Variants in SLC4A4 observed in about 807,000 individuals in gnomAD.
SLC4A4 encodes solute carrier family 4 member 4.
Under a neutral mutation model 111.5 loss-of-function variants are expected in SLC4A4, and 27 were observed. The observed-to-expected ratio is 0.24, with a 90% CI of 0.18 to 0.33. The LOEUF (loss-of-function observed/expected upper bound fraction) is 0.33, where lower values mean the gene tolerates loss of function less well. Among genes scored for constraint, SLC4A4 ranks in the 10% least tolerant of loss-of-function variants. The pLI is 1.00. For missense variants in SLC4A4, 909 were observed against 1,315.5 expected, an observed-to-expected ratio of 0.69 and a Z score of 4.78; for synonymous variants, 443 against 463.4, an observed-to-expected ratio of 0.96 and a Z score of 0.57.
chr4:71,503,287 A>T lies in SLC4A4; in HGVS notation c.2166+5595A>T, dbSNP rs557837331. ...CATTCCCTCTGTATCTTTTCATTGG[A>T]GAACTTAATTTCATTTACATTCAAG... On this transcript the variant is annotated intron_variant, in intron 16 of 25. Coordinates refer to ENST00000264485, the MANE Select transcript of SLC4A4 (RefSeq NM_001098484.3). 7.4e-5 allele frequency among the ~76,000 whole-genome samples: 11 copies of T among 148,854 alleles called. No homozygotes were observed. In the East Asian group the frequency reaches 2.2e-3, roughly 29 times the overall value.
chr4:71,378,810 T>A (rs1306404469), intron 6 of SLC4A4, among the ~76,000 whole-genome samples: 2 of 152,184 alleles, frequency 1.3e-5, no homozygotes, highest in Non-Finnish European at 2.9e-5. Flanking sequence ...ATTTATTGTG[T>A]TTAGACTTGT....
At position 71,569,398 on chromosome 4, in the gene SLC4A4, G is replaced by C. The variant is rs1175309026; in HGVS notation, c.*1647G>C. ...ATGCAATTTTTTTCAGGATGCAAAG[G>C]CAATTATTCTTTGTAAGCGGGACAT... is the stretch of plus-strand genomic sequence containing the variant. On this transcript the variant is annotated 3_prime_UTR_variant, in exon 26 of 26. Transcript: ENST00000264485. 1 of 151,380 alleles carries C rather than the reference G, an allele frequency of 6.6e-6. No homozygotes were observed. Among genetic ancestry groups the C allele is most frequent in the Non-Finnish European group, 1.5e-5 (1 of 67,698 alleles). 9.4% of individuals were successfully genotyped at this position (151,380 alleles called of 1,614,324 possible).
At chr4:71,195,024 C>T (rs1373547763) in intron 1 of SLC4A4, among the ~76,000 whole-genome samples, 1 of 152,028 alleles carries the variant, frequency 6.6e-6, no homozygotes, top group African/African-American at 2.4e-5. Context: ...GGTTTGGAGG[C>T]ATATCATTTT....
rs193151567 is a variant in SLC4A4, at chr4:71,486,906, A to G, written c.1904-42A>G. Reference sequence around the variant, plus strand: ...AATTATGCATTTAAGGTCTTTTTCTATTTTAGTTTTATAGTATAAAATAAT... The same window carrying G: ...AATTATGCATTTAAGGTCTTTTTCTGTTTTAGTTTTATAGTATAAAATAAT... On this transcript the variant is annotated intron_variant, in intron 14 of 25. Coordinates refer to ENST00000264485, the MANE Select transcript of SLC4A4 (RefSeq NM_001098484.3). 2.0e-4 allele frequency: 260 copies of G among 1,280,880 alleles called. No individual in the cohort carries two copies. In the Admixed American group the frequency reaches 2.7e-3, roughly 13 times the overall value. The allele number at this position is 1,280,880 out of a possible 1,614,324, so 79.3% of individuals were successfully genotyped here.
intron 2 of SLC4A4, among the ~76,000 whole-genome samples, chr4:71,136,477 C>T (rs1743846660): frequency 6.6e-6 from 1 of 152,174 alleles, no homozygotes; most frequent in Non-Finnish European, 1.5e-5. Context: ...TGCCTGTTAA[C>T]CCCATGTGGT....
intron 2 of SLC4A4, among the ~76,000 whole-genome samples, chr4:71,176,790 C>A (rs1430154338): frequency 6.6e-6 from 1 of 152,136 alleles, no homozygotes; most frequent in Non-Finnish European, 1.5e-5. Context: ...CCCAATCTAG[C>A]AAGGCAGGCC....
intron 1 of SLC4A4, among the ~76,000 whole-genome samples, chr4:71,208,443 A>AATATATATAT (rs1553962713): frequency 6.2e-5 from 9 of 144,832 alleles, no homozygotes; most frequent in African/African-American, 2.3e-4. Context: ...AAAAAAAAAA[A>AATATATATAT]ATATATATAT....
At chr4:71,486,882 A>G in intron 14 of SLC4A4, 66 bp from the exon 15 acceptor site, 1 of 839,236 alleles carries the variant, frequency 1.2e-6, no homozygotes, top group Non-Finnish European at 1.9e-6. Flanking sequence ...AAAATACCTA[A>G]TTATGCATTT....
chr4:71,161,945 A>G (rs1010251119), intron 2 of SLC4A4, among the ~76,000 whole-genome samples: 1 of 152,204 alleles, frequency 6.6e-6, no homozygotes, highest in South Asian at 2.1e-4. Flanking sequence ...CCATACTCCT[A>G]TCCCAATCTA....
rs73826247 is a variant in SLC4A4 at position 71,337,255 on chromosome 4, G to A, written c.254-2115G>A. ...TATGTTATTTAATCTAAATTGTGGT[G>A]ACTGAAATGTACACATATCAGACTG... is the stretch of plus-strand genomic sequence containing the variant. On this transcript the variant is annotated intron_variant, in intron 3 of 25. Transcript: ENST00000264485. Among the ~76,000 whole-genome samples the A allele has an allele frequency of 7.9e-3, 1,207 of 152,270 alleles. 18 individuals are homozygous for A. The highest frequency in any genetic ancestry group is 0.026 in the African/African-American group (1,062 of 41,540).
At chr4:71,301,918 A>G (rs1412771777) in intron 3 of SLC4A4, among the ~76,000 whole-genome samples, 4 of 152,234 alleles carry the variant, frequency 2.6e-5, no homozygotes, top group Non-Finnish European at 5.9e-5. Context: ...GTCATCTGTC[A>G]TCTTCCCCAC....
At chr4:71,523,657 A>G (rs1733160284) in intron 16 of SLC4A4, among the ~76,000 whole-genome samples, 1 of 151,974 alleles carries the variant, frequency 6.6e-6, no homozygotes, top group Non-Finnish European at 1.5e-5. Flanking sequence ...AAAGTCAACA[A>G]CATTGAAATC....
chr4:71,317,523 T>C (rs1726783075), intron 3 of SLC4A4, among the ~76,000 whole-genome samples: 1 of 152,116 alleles, frequency 6.6e-6, no homozygotes, highest in Non-Finnish European at 1.5e-5. Context: ...TTAATACTCA[T>C]TGCAAAGTAT....
At chr4:71,232,210 A>G (rs1374733813) in intron 1 of SLC4A4, among the ~76,000 whole-genome samples, 2 of 152,160 alleles carry the variant, frequency 1.3e-5, no homozygotes, top group Admixed American at 6.5e-5. Flanking sequence ...CTTGCTATGT[A>G]TAGTCTTGGA....
chr4:71,147,686 C>A (rs1744214936), intron 2 of SLC4A4, among the ~76,000 whole-genome samples: 1 of 152,134 alleles, frequency 6.6e-6, no homozygotes, highest in African/African-American at 2.4e-5. Context: ...CATTTCAGAA[C>A]ACAGAATTAA....
chr4:71,282,352 C>T (rs1490192616), intron 3 of SLC4A4, among the ~76,000 whole-genome samples: 1 of 150,568 alleles, frequency 6.6e-6, no homozygotes, highest in Non-Finnish European at 1.5e-5. Context: ...GGAGTGCAAT[C>T]TCAGCTCACT....
chr4:71,105,619 A>T (rs1212930578), intron 2 of SLC4A4, among the ~76,000 whole-genome samples: 3 of 141,670 alleles, frequency 2.1e-5, no homozygotes, highest in Non-Finnish European at 3.1e-5. Flanking sequence ...ATAACGCCGC[A>T]TATCTACAAC....
Position 71,339,381 on chromosome 4 carries a change from G to A in SLC4A4, c.265G>A (p.Ala89Thr). ...SILKPLISPA[A>T]ERIRFILGEE... ...TTTCACTTCTGCAGTCTCTCCTGCT[G>A]CAGAACGCATCCGATTCATCTTGGG... Residue 89 changes from alanine (A) to threonine (T), a missense_variant, in exon 4 of 26, where the codon GCA becomes ACA. Physicochemically the swap from Ala to Thr is moderately conservative, Grantham distance 58. This residue lies in a region of SLC4A4 where 117 missense variants were observed against 154.2 expected (regional missense o/e 0.76). Transcript: ENST00000264485. 5.0e-6 allele frequency: 8 copies of A among 1,614,164 alleles called. No individual in the cohort carries two copies. The highest frequency in any genetic ancestry group is 6.8e-6 in the Non-Finnish European group (8 of 1,180,034).
chr4:71,527,618 T>C (rs1270639780), intron 16 of SLC4A4, among the ~76,000 whole-genome samples: 3 of 151,860 alleles, frequency 2.0e-5, no homozygotes, highest in Admixed American at 2.0e-4. Context: ...GCCAGAGGTA[T>C]AGGTCCTATG....
Sources: gnomAD v4.1 joint callset for allele counts (sites outside exome capture counted in the v4.1 genomes callset) on GRCh38, gnomAD v4.1.1 for gene constraint, gnomAD v4.1.1 regional missense constraint, MANE v1.5 for transcripts, NCBI Gene and HGNC (gene_info 2026-07-23, HGNC 2026-07-21) for gene names.